TBCK: variants seen among roughly 807,000 people sequenced by gnomAD.
The protein encoded by TBCK is TBC domain-containing protein kinase-like protein.
Under a neutral mutation model 113.4 loss-of-function variants are expected in TBCK, and 99 were observed. The observed-to-expected ratio is 0.87, with a 90% confidence interval of 0.74 to 1.03. The LOEUF is 1.03. Among genes scored for constraint, TBCK ranks in the 50% least tolerant of loss-of-function variants. The probability of loss-of-function intolerance (pLI) is 0.00; values close to 1 mark genes in which losing one functional copy is unlikely to be tolerated. For synonymous variants in TBCK, 369 were observed against 370.8 expected (o/e 1.00, Z 0.05); for missense variants, 1,045 against 1,061.3 (o/e 0.98, Z 0.21).
intron 23 of TBCK, among the ~76,000 whole-genome samples, chr4:106,170,094 T>A (rs191719368): frequency 1.5e-4 from 23 of 152,136 alleles, no homozygotes; most frequent in Admixed American, 1.3e-3. Context: ...GGGTTGGGGA[T>A]CCCTGATCTA....
intron 24 of TBCK, among the ~76,000 whole-genome samples, chr4:106,110,814 C>T (rs974353850): frequency 7.9e-5 from 12 of 152,010 alleles, no homozygotes; most frequent in African/African-American, 2.2e-4. Context: ...CCCGCTGTCT[C>T]CAGGAAAAAA....
At chr4:106,134,177 A>G (rs771436287) in intron 23 of TBCK, among the ~76,000 whole-genome samples, 1 of 151,976 alleles carries the variant, frequency 6.6e-6, no homozygotes, top group Non-Finnish European at 1.5e-5. Context: ...TAAAACTCTG[A>G]GATTTTTTTT....
At chr4:106,296,132 C>CT (rs1400206408) in intron 2 of TBCK, among the ~76,000 whole-genome samples, 4 of 152,026 alleles carry the variant, frequency 2.6e-5, no homozygotes, top group East Asian at 1.9e-4. Context: ...CCAGCCTATA[C>CT]TTTTTTTTGC....
intron 23 of TBCK, among the ~76,000 whole-genome samples, chr4:106,142,627 A>G (rs1308500825): frequency 1.3e-5 from 2 of 152,162 alleles, no homozygotes; most frequent in East Asian, 1.9e-4. Flanking sequence ...TTTCCGTAGA[A>G]TTGTGCCAAA....
intron 3 of TBCK, among the ~76,000 whole-genome samples, chr4:106,266,219 T>TAA (rs144681240): frequency 2.0e-5 from 3 of 150,470 alleles, no homozygotes; most frequent in South Asian, 2.1e-4. Flanking sequence ...GTCTTCCCCT[T>TAA]AAAAAAAAAG....
intron 23 of TBCK, among the ~76,000 whole-genome samples, chr4:106,170,087 T>C (rs1013684405): frequency 1.3e-5 from 2 of 151,972 alleles, no homozygotes; most frequent in Non-Finnish European, 2.9e-5. Context: ...GGCCTGGGGG[T>C]TGGGGATCCC....
chr4:106,120,929 G>A (rs1013359304), intron 23 of TBCK, among the ~76,000 whole-genome samples: 61 of 152,278 alleles, frequency 4.0e-4, no homozygotes, highest in Non-Finnish European at 6.9e-4. Flanking sequence ...CCAAAGGAAC[G>A]CAGTTCCTCA....
intron 23 of TBCK, among the ~76,000 whole-genome samples, chr4:106,159,693 A>G (rs894458693): frequency 1.3e-5 from 2 of 152,080 alleles, no homozygotes; most frequent in Non-Finnish European, 2.9e-5. Flanking sequence ...TTGTTAAGAT[A>G]TCAATATTAC....
intron 20 of TBCK, among the ~76,000 whole-genome samples, chr4:106,198,871 A>T (rs1754557680): frequency 6.6e-6 from 1 of 152,114 alleles, no homozygotes; most frequent in Non-Finnish European, 1.5e-5. Context: ...ACGACAATAC[A>T]AGTTCTGGTA....
At chr4:106,279,582 C>G in intron 3 of TBCK, among the ~76,000 whole-genome samples, 1 of 152,084 alleles carries the variant, frequency 6.6e-6, no homozygotes, top group Non-Finnish European at 1.5e-5. Flanking sequence ...TACTGATTGA[C>G]TACCCCTATT....
intron 22 of TBCK, among the ~76,000 whole-genome samples, chr4:106,186,547 T>C (rs1042869889): frequency 2.0e-5 from 3 of 152,230 alleles, no homozygotes; most frequent in Non-Finnish European, 4.4e-5. Flanking sequence ...GAGAAGTGTC[T>C]GTTCATGTAC....
chr4:106,095,561 C>T lies in TBCK; in HGVS notation c.2492G>A (p.Gly831Asp). The change falls in exon 25 of 26, where the codon GGC (glycine) becomes GAC (aspartate). Residue 831 changes from glycine to aspartate, a missense_variant. Physicochemically the swap from Gly to Asp is moderately conservative, Grantham distance 94 (BLOSUM62 -1). Coordinates refer to ENST00000394708, the MANE Select transcript of TBCK (RefSeq NM_001163435.3). The stretch of plus-strand genomic sequence containing the variant: ...GTTCTGGAGCATAGCAGTGTAAGGG[C>T]CCTGGGTAAGCTCCCCTTCTGCAGT... The part of the protein sequence containing the change: ...AFTAEGELTQ[G>D]PYTAMLQNFK... The T allele has an allele frequency of 6.2e-7, 1 of 1,614,066 alleles. No individual in the cohort carries two copies. The highest frequency in any genetic ancestry group is 8.5e-7 in the Non-Finnish European group (1 of 1,179,962).
chr4:106,220,764 T>A (rs73838157), intron 19 of TBCK, among the ~76,000 whole-genome samples: 1 of 152,294 alleles, frequency 6.6e-6, no homozygotes, highest in African/African-American at 2.4e-5. Context: ...TAGATCAAAG[T>A]GAAGACCCAA....
intron 2 of TBCK, among the ~76,000 whole-genome samples, chr4:106,299,595 A>C (rs1038094171): frequency 6.6e-6 from 1 of 152,340 alleles, no homozygotes; most frequent in Non-Finnish European, 1.5e-5. Context: ...AGAACATCAA[A>C]GTTTCTCCCA....
At chr4:106,065,709 A>G (rs1379658489) in intron 25 of TBCK, among the ~76,000 whole-genome samples, 3 of 152,060 alleles carry the variant, frequency 2.0e-5, no homozygotes, top group Non-Finnish European at 2.9e-5. Context: ...CTTTGCTTAC[A>G]GCATATTTGA....
At chr4:106,257,611 C>G (rs1762127495) in intron 5 of TBCK, among the ~76,000 whole-genome samples, 1 of 151,926 alleles carries the variant, frequency 6.6e-6, no homozygotes, top group South Asian at 2.1e-4. Context: ...ATGTATTTCT[C>G]TCATATACAA....
At chr4:106,121,721 T>C (rs1243139384) in intron 23 of TBCK, among the ~76,000 whole-genome samples, 3 of 152,144 alleles carry the variant, frequency 2.0e-5, no homozygotes, top group Non-Finnish European at 4.4e-5. Context: ...TTAAGAATCT[T>C]ACTCAAAACC....
chr4:106,217,897 G>A (rs1757162654), intron 19 of TBCK, among the ~76,000 whole-genome samples: 1 of 145,664 alleles, frequency 6.9e-6, no homozygotes, highest in Non-Finnish European at 1.5e-5. Context: ...CCAAAAAAGA[G>A]CCCGCATCGC....
rs370625264 is a variant in TBCK, at chr4:106,246,166, CA to C, written c.931+972del. 5.7e-3 allele frequency among the ~76,000 whole-genome samples: 864 copies of C among 152,224 alleles called. 10 individuals carry two copies. The highest frequency in any genetic ancestry group is 0.02 in the African/African-American group (834 of 41,552). ...GAATTAGGTGCTCCTGCTATGCTGC[CA>C]TTGTGCTATATTCATATTGACCTTC... On this transcript the variant is annotated intron_variant, in intron 10 of 25. Coordinates refer to ENST00000394708, the MANE Select transcript of TBCK (RefSeq NM_001163435.3).
Sources: gnomAD v4.1 joint callset for allele counts (sites outside exome capture counted in the v4.1 genomes callset) on GRCh38, gnomAD v4.1.1 for gene constraint, MANE v1.5 for transcripts, NCBI Gene and HGNC (gene_info 2026-07-23, HGNC 2026-07-21) for gene names.